Variants in HECTD4 observed in about 807,000 individuals in gnomAD.
The protein encoded by HECTD4 is probable E3 ubiquitin-protein ligase HECTD4.
In HECTD4, 114 loss-of-function variants were observed where a neutral mutation model predicts 471.5. The ratio of observed to expected loss-of-function variants is 0.24; its 90% CI spans 0.21 to 0.28. The LOEUF (loss-of-function observed/expected upper bound fraction) is 0.28. Among genes scored for constraint, HECTD4 ranks in the 10% least tolerant of loss-of-function variants. The probability of loss-of-function intolerance (pLI) is 1.00; values close to 1 mark genes in which losing one functional copy is unlikely to be tolerated. For missense variants in HECTD4, 3,866 were observed against 5,651.5 expected (o/e 0.68, Z 10.13); for synonymous variants, 2,012 against 2,256.0 (o/e 0.89, Z 3.07).
intron 7 of HECTD4, among the ~76,000 whole-genome samples, chr12:112,298,262 A>G (rs1466022799): frequency 6.6e-6 from 1 of 152,118 alleles, no homozygotes; most frequent in Non-Finnish European, 1.5e-5. Flanking sequence ...ACGTATCTGT[A>G]TGCTGTGGTG....
intron 1 of HECTD4, among the ~76,000 whole-genome samples, chr12:112,374,545 T>G (rs1656519457): frequency 6.6e-6 from 1 of 152,214 alleles, no homozygotes. Context: ...CACAGAATAC[T>G]GCACCAAGAT....
At position 112,304,444 on chromosome 12, in the gene HECTD4, A is replaced by G. The variant is rs543266869; in HGVS notation, c.1335+1620T>C. Among the ~76,000 whole-genome samples, 23 of 151,906 alleles carry G rather than the reference A, an allele frequency of 1.5e-4. No individual in the cohort carries two copies. In the South Asian group the frequency reaches 4.6e-3, roughly 30 times the overall value. ...CCAGCTAATTTTTGTATTTTTTTGCAGAGACGGGGTCTCGCTATGTTGCCC... is the reference window on the plus strand; with the variant it reads ...CCAGCTAATTTTTGTATTTTTTTGCGGAGACGGGGTCTCGCTATGTTGCCC... On this transcript the variant is annotated intron_variant, in intron 7 of 75. Transcript: ENST00000682272.
chr12:112,312,967 T>G (rs1259793376), intron 4 of HECTD4, 50 bp downstream of exon 4: 1 of 1,491,286 alleles, frequency 6.7e-7, no homozygotes, highest in African/African-American at 1.4e-5. Flanking sequence ...ATCTAAAACC[T>G]CTTTATTTAC....
rs146523365 is a variant in HECTD4 at position 112,221,306 on chromosome 12, T to A, written c.6971-1817A>T. On this transcript the variant is annotated intron_variant, in intron 44 of 75. Coordinates refer to ENST00000682272, the MANE Select transcript of HECTD4 (RefSeq NM_001388303.1). The stretch of plus-strand genomic sequence containing the variant: ...CTCTGTCTCTCAGGCTGGAGGGCAG[T>A]GGTGCAATCACAGCTCACTGCAGCC... 9.7e-3 allele frequency among the ~76,000 whole-genome samples: 1,472 copies of A among 152,156 alleles called. 24 individuals carry two copies. The highest frequency in any genetic ancestry group is 0.034 in the African/African-American group (1,400 of 41,510).
intron 1 of HECTD4, among the ~76,000 whole-genome samples, chr12:112,348,520 G>C (rs1482168868): frequency 1.3e-5 from 2 of 152,128 alleles, no homozygotes; most frequent in East Asian, 3.8e-4. Context: ...GCACTTTAGA[G>C]GTCGAGGCAG....
intron 67 of HECTD4, among the ~76,000 whole-genome samples, chr12:112,171,556 C>A (rs116013497): frequency 7.9e-4 from 121 of 152,324 alleles, no homozygotes; most frequent in African/African-American, 2.8e-3. Flanking sequence ...TAGTTTTTGA[C>A]TTACAATTTT....
chr12:112,191,070 GC>G, intron 59 of HECTD4, 105 bp from the exon 60 acceptor site: 2 of 871,358 alleles, frequency 2.3e-6, no homozygotes, highest in Non-Finnish European at 3.5e-6. Context: ...GGGCTGGAGA[GC>G]CCACCCACTC....
intron 39 of HECTD4, chr12:112,231,209 T>C (rs980463271): frequency 4.9e-5 from 23 of 468,694 alleles, no homozygotes; most frequent in African/African-American, 3.9e-4. Flanking sequence ...AGATGTACCA[T>C]TTGCAAGAAA....
rs913668657 is a variant in HECTD4 at position 112,213,880 on chromosome 12, G to C, written c.7466-1230C>G. Among the ~76,000 whole-genome samples, 2 of 151,538 alleles carry C rather than the reference G, an allele frequency of 1.3e-5. No individual in the cohort carries two copies. Among genetic ancestry groups the C allele is most frequent in the Non-Finnish European group, 2.9e-5 (2 of 67,912 alleles). ...CTACAAAAAATACAGAAATTAGTCA[G>C]GCATGGTAGTGTGTGCCTATGGTCC... On this transcript the variant is annotated intron_variant, in intron 48 of 75. Coordinates refer to ENST00000682272, the MANE Select transcript of HECTD4 (RefSeq NM_001388303.1). The surrounding 1 kb of genome is among the most constrained non-coding windows in gnomAD (Gnocchi z 4.0).
At chr12:112,231,850 T>G in intron 38 of HECTD4, 135 bp from the exon 39 acceptor site, 1 of 745,686 alleles carries the variant, frequency 1.3e-6, no homozygotes, top group Non-Finnish European at 2.1e-6. Flanking sequence ...ATATTATATG[T>G]AGAGTAAAAT....
Position 112,164,200 on chromosome 12 carries a change from T to G in HECTD4, c.12610A>C (p.Ser4204Arg), listed in dbSNP as rs1364565012. The change falls in exon 73 of 76, where the codon AGC becomes CGC. Residue 4204 changes from serine (S) to arginine (R), a missense_variant. Physicochemically the swap from Ser to Arg is moderately radical, Grantham distance 110. Coordinates refer to ENST00000682272, the MANE Select transcript of HECTD4 (RefSeq NM_001388303.1). ...AACCTGCAGCAGGGCTTGTTGGGGC[T>G]GTCAGGGCTCTCCGTGGCCAGGTGC... ...SQHLATESPD[S>R]PNKPCCRFTY... 6.2e-7 allele frequency: 1 copy of G among 1,613,684 alleles called. No homozygotes were observed. Among genetic ancestry groups the G allele is most frequent in the Non-Finnish European group, 8.5e-7 (1 of 1,179,856 alleles).
At chr12:112,283,955 CT>C (rs746498265) in intron 7 of HECTD4, among the ~76,000 whole-genome samples, 2,389 of 135,494 alleles carry the variant, frequency 0.018, 32 homozygotes, top group African/African-American at 0.052. Context: ...CTTCTTTCTT[CT>C]TTTTTTTTTT....
Position 112,283,185 on chromosome 12 carries a change from T to C in HECTD4, c.1453A>G (p.Arg485Gly). The change falls in exon 8 of 76, where the codon AGA becomes GGA. Residue 485 changes from arginine (R) to glycine (G), a missense_variant. By Grantham distance (125) the Arg-to-Gly change is moderately radical (BLOSUM62 -2). This residue lies in a region of HECTD4 where 440 missense variants were observed against 636.0 expected (regional missense o/e 0.69). Coordinates refer to ENST00000682272, the MANE Select transcript of HECTD4 (RefSeq NM_001388303.1). Reference protein sequence around the residue: ...EMLLSRLSRYRASPSATLAAL... With the variant: ...EMLLSRLSRYGASPSATLAAL... ...GCAAGCGTTGCTGACGGGGAGGCTC[T>C]ATACCGAGAAAGTCTACTTAGAAGC... The C allele has an allele frequency of 1.2e-6, 2 of 1,613,962 alleles. No homozygotes were observed. The highest frequency in any genetic ancestry group is 1.6e-4 in the Middle Eastern group (1 of 6,062).
intron 1 of HECTD4, among the ~76,000 whole-genome samples, chr12:112,365,745 A>T (rs912675526): frequency 7.3e-5 from 11 of 150,800 alleles, no homozygotes; most frequent in African/African-American, 2.7e-4. Flanking sequence ...AGCAACTGTT[A>T]CTGCTGCTTC....
intron 34 of HECTD4, among the ~76,000 whole-genome samples, chr12:112,238,487 A>C (rs1037877436): frequency 4.6e-5 from 7 of 152,226 alleles, no homozygotes; most frequent in Admixed American, 1.3e-4. Context: ...TTGAACGCCA[A>C]GGCGCGAGGA....
At chr12:112,340,764 T>G (rs1360268541) in intron 1 of HECTD4, among the ~76,000 whole-genome samples, 2 of 152,220 alleles carry the variant, frequency 1.3e-5, no homozygotes, top group African/African-American at 4.8e-5. Context: ...AGCCCCTGTT[T>G]GCAAAATTTA....
rs1298843448 is a variant in HECTD4 at position 112,252,436 on chromosome 12, T to C, written c.3540A>G (p.Thr1180=). 2 of 1,600,394 alleles carry C rather than the reference T, an allele frequency of 1.2e-6. No homozygotes were observed. The highest frequency in any genetic ancestry group is 1.7e-6 in the Non-Finnish European group (2 of 1,175,704). ...PDKAMWGFAC[T]VRAQESSEDV... Reference sequence around the variant, plus strand: ...TAGATTCAAGTACCTGAGCGCGAACTGTGCAAGCAAAGCCCCACATGGCTT... The same window carrying C: ...TAGATTCAAGTACCTGAGCGCGAACCGTGCAAGCAAAGCCCCACATGGCTT... The change falls in exon 23 of 76, where the codon ACA becomes ACG. Residue 1180 remains threonine, a synonymous_variant. Coordinates refer to ENST00000682272, the MANE Select transcript of HECTD4 (RefSeq NM_001388303.1).
Position 112,258,610 on chromosome 12 carries a change from C to A in HECTD4, c.3028-14G>T. 2 of 1,586,286 alleles carry A rather than the reference C, an allele frequency of 1.3e-6. No homozygotes were observed. Among genetic ancestry groups the A allele is most frequent in the Non-Finnish European group, 1.7e-6 (2 of 1,169,188 alleles). On this transcript the variant is annotated splice_polypyrimidine_tract_variant and intron_variant, in intron 19 of 75. Coordinates refer to ENST00000682272, the MANE Select transcript of HECTD4 (RefSeq NM_001388303.1). Reference sequence around the variant, plus strand: ...CAGCAACGCCGTCTGAAACACAAAACCATCATTATGTCTTCCAGGGCTACT... The same window carrying A: ...CAGCAACGCCGTCTGAAACACAAAAACATCATTATGTCTTCCAGGGCTACT...
intron 7 of HECTD4, among the ~76,000 whole-genome samples, chr12:112,293,777 T>G (rs892597733): frequency 6.6e-6 from 1 of 152,180 alleles, no homozygotes; most frequent in Non-Finnish European, 1.5e-5. Flanking sequence ...GCAGGGTAGG[T>G]GAGAGACTTC....
Sources: gnomAD v4.1 joint callset for allele counts (sites outside exome capture counted in the v4.1 genomes callset) on GRCh38, gnomAD v4.1.1 for gene constraint, gnomAD v4.1.1 regional missense constraint, Gnocchi (gnomAD v3.1) non-coding constraint, MANE v1.5 for transcripts, NCBI Gene and HGNC (gene_info 2026-07-23, HGNC 2026-07-21) for gene names.